Variants in LMCD1 observed in about 807,000 individuals in gnomAD.
LMCD1 encodes LIM and cysteine rich domains 1.
LMCD1 carries 32 observed loss-of-function variants against 42.7 expected under a neutral mutation model. The observed-to-expected ratio is 0.75, with a 90% CI of 0.57 to 1.01. The LOEUF (loss-of-function observed/expected upper bound fraction) is 1.01. LMCD1 is among the 50% of genes least tolerant of loss of function. The pLI is 0.00. For missense variants in LMCD1, 458 were observed against 483.1 expected, an observed-to-expected ratio of 0.95 and a Z score of 0.49; for synonymous variants, 178 against 184.9, an observed-to-expected ratio of 0.96 and a Z score of 0.30.
chr3:8,555,674 A>G (rs1231177382), intron 4 of LMCD1, among the ~76,000 whole-genome samples: 7 of 142,542 alleles, frequency 4.9e-5, no homozygotes, highest in Admixed American at 4.8e-4. Flanking sequence ...TTTATACTAT[A>G]CTATAAATAC....
At chr3:8,545,952 C>T (rs1422708850) in intron 3 of LMCD1, among the ~76,000 whole-genome samples, 4 of 152,102 alleles carry the variant, frequency 2.6e-5, no homozygotes, top group African/African-American at 7.2e-5. Context: ...CATGGCGAAA[C>T]CCCGTCTCTA....
At chr3:8,546,155 A>C (rs145318797) in intron 3 of LMCD1, among the ~76,000 whole-genome samples, 139 of 152,206 alleles carry the variant, frequency 9.1e-4, no homozygotes, top group African/African-American at 2.6e-3. Flanking sequence ...CAAAACAAAA[A>C]AAAAGAGAAA....
In LMCD1 at chr3:8,567,630, G is replaced by T. The variant is rs373401284; in HGVS notation, c.*32G>T. On this transcript the variant is annotated 3_prime_UTR_variant, in exon 6 of 6. Coordinates refer to ENST00000157600, the MANE Select transcript of LMCD1 (RefSeq NM_014583.4). The stretch of plus-strand genomic sequence containing the variant: ...GCCCACCCACAGCCAGAATCCACAG[G>T]ATCCCACCGAGAAGGAGAGCCAGGT... The T allele has an allele frequency of 5.0e-6, 8 of 1,595,010 alleles. No individual in the cohort carries two copies. Among genetic ancestry groups the T allele is most frequent in the Non-Finnish European group, 6.8e-6 (8 of 1,169,464 alleles).
At chr3:8,551,305 G>A (rs1694834423) in intron 4 of LMCD1, 5 of 985,376 alleles carry the variant, frequency 5.1e-6, no homozygotes, top group Non-Finnish European at 6.0e-6. Flanking sequence ...TTAAAAAATG[G>A]GATCTATTTG....
rs1274918479 is a variant in LMCD1, at chr3:8,552,767, G to A, written c.723+3864G>A. Among the ~76,000 whole-genome samples, 8 of 152,194 alleles carry A rather than the reference G, an allele frequency of 5.3e-5. No individual in the cohort carries two copies. In the South Asian group the frequency reaches 6.2e-4, roughly 12 times the overall value. The stretch of plus-strand genomic sequence containing the variant: ...GAGATGGAGTCTCACTCTGTCGCCC[G>A]GGCTGGAGTGCAGTGGCACAGTCTC... On this transcript the variant is annotated intron_variant, in intron 4 of 5. Coordinates refer to ENST00000157600, the MANE Select transcript of LMCD1 (RefSeq NM_014583.4).
chr3:8,515,421 G>A (rs1295328513), intron 1 of LMCD1, among the ~76,000 whole-genome samples: 1 of 152,130 alleles, frequency 6.6e-6, no homozygotes, highest in Non-Finnish European at 1.5e-5. Context: ...TCTCTGTCCT[G>A]TGAAGTCCTC....
At chr3:8,539,531 C>T (rs1408892748) in intron 3 of LMCD1, among the ~76,000 whole-genome samples, 1 of 152,146 alleles carries the variant, frequency 6.6e-6, no homozygotes, top group Admixed American at 6.5e-5. Flanking sequence ...AGCTATCAAG[C>T]ACGTCTCCAG....
chr3:8,555,191 C>A (rs546492849), intron 4 of LMCD1, among the ~76,000 whole-genome samples: 98 of 152,276 alleles, frequency 6.4e-4, no homozygotes, highest in African/African-American at 2.2e-3. Context: ...CTCCCTCCCC[C>A]CCGCCAAAGG....
intron 3 of LMCD1, among the ~76,000 whole-genome samples, chr3:8,537,859 C>G (rs949991709): frequency 1.3e-5 from 2 of 152,168 alleles, no homozygotes; most frequent in African/African-American, 4.8e-5. Context: ...AAACATTTCT[C>G]TCTTCTGCCT....
chr3:8,565,335 C>T (rs751740048), intron 4 of LMCD1, 97 bp from the exon 5 acceptor site: 1 of 1,066,972 alleles, frequency 9.4e-7, no homozygotes, highest in Non-Finnish European at 1.4e-6. Flanking sequence ...TGCCCAAGGT[C>T]ACCCAGGAAG....
chr3:8,529,718 G>T (rs1044119235), intron 1 of LMCD1, among the ~76,000 whole-genome samples: 5 of 152,160 alleles, frequency 3.3e-5, no homozygotes, highest in Non-Finnish European at 5.9e-5. Context: ...GAATAAGAAA[G>T]TATAGGGGGT....
At chr3:8,502,295 A>T (rs1367697932) in intron 1 of LMCD1, among the ~76,000 whole-genome samples, 2 of 42,518 alleles carry the variant, frequency 4.7e-5, no homozygotes, top group South Asian at 4.8e-4. Context: ...TATAATATAT[A>T]TTATATATAA....
rs1694519096 is a variant in LMCD1 at position 8,537,047 on chromosome 3, AG to A, written c.132-136del. On this transcript the variant is annotated intron_variant, in intron 2 of 5. Coordinates refer to ENST00000157600, the MANE Select transcript of LMCD1 (RefSeq NM_014583.4). Reference sequence around the variant, plus strand: ...CCAATTCCAAAGGCCTTTTTGTCTCAGGTTACCATTTGTCCGCTGCTAGTTT... The same window carrying A: ...CCAATTCCAAAGGCCTTTTTGTCTCAGTTACCATTTGTCCGCTGCTAGTTT... The A allele has an allele frequency of 6.5e-6, 6 of 919,452 alleles. No homozygotes were observed. The South Asian group carries it at 7.4e-5, about 11-fold the overall frequency. The allele number at this position is 919,452 out of a possible 1,614,324, so 57.0% of individuals were successfully genotyped here. A position where few individuals can be genotyped will look rare whatever the true frequency, so the allele number is the denominator to read the frequency against.
At chr3:8,542,997 C>A (rs1383783332) in intron 3 of LMCD1, among the ~76,000 whole-genome samples, 1 of 152,188 alleles carries the variant, frequency 6.6e-6, no homozygotes, top group African/African-American at 2.4e-5. Flanking sequence ...AATTACTCTC[C>A]CATGAGCCGA....
At chr3:8,534,258 G>A (rs1052594773) in intron 2 of LMCD1, among the ~76,000 whole-genome samples, 5 of 151,598 alleles carry the variant, frequency 3.3e-5, no homozygotes, top group Non-Finnish European at 7.4e-5. Context: ...CCTCAATCCT[G>A]TGCTCCCTGC....
chr3:8,502,041 C>A (rs959025738), intron 1 of LMCD1, 61 bp downstream of exon 1: 8 of 1,498,954 alleles, frequency 5.3e-6, no homozygotes, highest in Admixed American at 1.9e-5. Context: ...CCCTTCCCAT[C>A]TGTTCGCGGA....
chr3:8,545,285 A>C (rs866075958), intron 3 of LMCD1, among the ~76,000 whole-genome samples: 14 of 152,314 alleles, frequency 9.2e-5, no homozygotes, highest in East Asian at 1.9e-4. Flanking sequence ...CAGTTTTGAG[A>C]GAAACAAAAT....
chr3:8,503,054 G>A (rs1356777991), intron 1 of LMCD1, among the ~76,000 whole-genome samples: 1 of 152,116 alleles, frequency 6.6e-6, no homozygotes, highest in Non-Finnish European at 1.5e-5. Context: ...GGGAGGATAG[G>A]CCTAACCTCC....
intron 1 of LMCD1, among the ~76,000 whole-genome samples, chr3:8,526,731 A>G (rs1443337891): frequency 1.3e-5 from 2 of 152,314 alleles, no homozygotes; most frequent in South Asian, 2.1e-4. Flanking sequence ...GAACCACTGC[A>G]ACATACCTCC....
Sources: allele counts gnomAD v4.1 joint callset (sites outside exome capture counted in the v4.1 genomes callset), GRCh38; gene constraint gnomAD v4.1.1; transcripts MANE v1.5; gene names NCBI Gene and HGNC (gene_info 2026-07-23, HGNC 2026-07-21).